The following SCLT1 variants were observed in gnomAD, a reference collection of about 807,000 sequenced individuals.
SCLT1 encodes the protein sodium channel and clathrin linker 1.
A neutral mutation model predicts 112.8 loss-of-function variants in SCLT1; 78 were observed. That is an observed-to-expected ratio of 0.69 (90% CI 0.58 to 0.83). SCLT1 has a LOEUF of 0.83. Ranked by LOEUF, SCLT1 falls within the 40% of genes least tolerant of loss-of-function variation. SCLT1 has a pLI of 0.00. For synonymous variants in SCLT1, 257 were observed against 254.7 expected, an observed-to-expected ratio of 1.01 and a Z score of -0.09; for missense variants, 747 against 770.4, an observed-to-expected ratio of 0.97 and a Z score of 0.36.
intron 9 of SCLT1, among the ~76,000 whole-genome samples, chr4:128,975,779 A>G (rs1172172681): frequency 6.6e-6 from 1 of 152,228 alleles, no homozygotes; most frequent in South Asian, 2.1e-4. Context: ...AATTTTAGAC[A>G]AAGTTCTAAA....
At chr4:129,044,128 C>A in intron 2 of SCLT1, 77 bp from the exon 3 acceptor site, 2 of 699,298 alleles carry the variant, frequency 2.9e-6, no homozygotes, top group Non-Finnish European at 2.5e-6. Context: ...ATATTAAATG[C>A]AATTAAATTT....
At chr4:129,058,714 A>G (rs1749679450) in intron 2 of SCLT1, among the ~76,000 whole-genome samples, 1 of 152,194 alleles carries the variant, frequency 6.6e-6, no homozygotes, top group African/African-American at 2.4e-5. Context: ...ATATAAATGT[A>G]TGTGAGATCC....
chr4:129,039,885 AGAGT>A (rs1747519024), intron 4 of SCLT1: 1 of 260,120 alleles, frequency 3.8e-6, no homozygotes, highest in East Asian at 5.6e-5. Context: ...GAGCAAATGG[AGAGT>A]GTGCGCGCGC....
chr4:128,958,212 C>T (rs1469276429), intron 12 of SCLT1, among the ~76,000 whole-genome samples: 4 of 152,170 alleles, frequency 2.6e-5, no homozygotes, highest in Non-Finnish European at 4.4e-5. Context: ...ATTTTTACCT[C>T]TGTTTTTGTA....
In SCLT1 at chr4:129,003,755, G is replaced by T. The variant is rs757334247; in HGVS notation, c.412C>A (p.Gln138Lys). Residue 138 changes from glutamine (Q) to lysine (K), a missense_variant, in exon 6 of 21, where the codon CAG (glutamine) becomes AAG (lysine). Coordinates refer to ENST00000281142, the MANE Select transcript of SCLT1 (RefSeq NM_144643.4). ...ATGTCACTCACTTGATTGGCTAGCT[G>T]CAATTGTTCTTGAAGGTTTCTGACT... Reference protein sequence around the residue: ...ETVRNLQEQLQLANQEKTQAV... With the variant: ...ETVRNLQEQLKLANQEKTQAV... 5 of 1,605,010 alleles carry T rather than the reference G, an allele frequency of 3.1e-6. No individual in the cohort carries two copies. Among genetic ancestry groups the T allele is most frequent in the Non-Finnish European group, 4.3e-6 (5 of 1,176,248 alleles).
At chr4:129,024,605 A>T (rs999949372) in intron 5 of SCLT1, among the ~76,000 whole-genome samples, 3 of 152,236 alleles carry the variant, frequency 2.0e-5, no homozygotes, top group Non-Finnish European at 4.4e-5. Context: ...GGGAAAAAAC[A>T]GAGCAGAACA....
At chr4:128,948,629 G>A in intron 14 of SCLT1, 59 bp from the exon 15 acceptor site, 3 of 1,224,596 alleles carry the variant, frequency 2.4e-6, no homozygotes, top group South Asian at 1.3e-5. Context: ...AGAAAAGTGG[G>A]GAAAAATTAT....
At chr4:128,996,047 G>T (rs1205944457) in intron 8 of SCLT1, among the ~76,000 whole-genome samples, 1 of 151,970 alleles carries the variant, frequency 6.6e-6, no homozygotes, top group Non-Finnish European at 1.5e-5. Flanking sequence ...AAAATTTGGG[G>T]TGATGAATGC....
At chr4:129,070,486 G>A (rs1750906598) in intron 2 of SCLT1, among the ~76,000 whole-genome samples, 3 of 151,910 alleles carry the variant, frequency 2.0e-5, no homozygotes, top group Non-Finnish European at 2.9e-5. Flanking sequence ...TTTAATCTAG[G>A]AGGGTTGTAT....
intron 19 of SCLT1, among the ~76,000 whole-genome samples, chr4:128,889,234 C>A (rs1307735195): frequency 6.6e-6 from 1 of 152,144 alleles, no homozygotes; most frequent in African/African-American, 2.4e-5. Flanking sequence ...TGTCCTAACC[C>A]CCAGTATCTG....
chr4:128,937,025 T>C (rs1417483096), intron 17 of SCLT1, among the ~76,000 whole-genome samples, 174 bp from the exon 18 acceptor site: 2 of 152,166 alleles, frequency 1.3e-5, no homozygotes, highest in African/African-American at 2.4e-5. Flanking sequence ...ATGCCTGTAA[T>C]CCCAGCACTT....
intron 9 of SCLT1, among the ~76,000 whole-genome samples, chr4:128,977,486 C>T (rs1741280311): frequency 6.6e-6 from 1 of 152,098 alleles, no homozygotes; most frequent in Admixed American, 6.5e-5. Context: ...AGACAGGCAA[C>T]AAGTATTTCA....
In SCLT1 at chr4:128,927,586, A is replaced by C. The variant is rs370872839; in HGVS notation, c.1829+9069T>G. On this transcript the variant is annotated intron_variant, in intron 18 of 20. Coordinates refer to ENST00000281142, the MANE Select transcript of SCLT1 (RefSeq NM_144643.4). ...TGAGACCCTGTCTCAGAAAAAAAAA[A>C]AGGAAAATAATTTGAACTAAATAAT... 1.4e-4 allele frequency among the ~76,000 whole-genome samples: 22 copies of C among 152,154 alleles called. No homozygotes were observed. In the East Asian group the frequency reaches 3.9e-3, roughly 27 times the overall value.
At chr4:128,889,394 G>A (rs1375693933) in intron 19 of SCLT1, among the ~76,000 whole-genome samples, 1 of 152,156 alleles carries the variant, frequency 6.6e-6, no homozygotes, top group Non-Finnish European at 1.5e-5. Context: ...AAGACAAGTT[G>A]AAGACACAGA....
At chr4:128,923,170 ATGCGGT>A (rs1304130190) in intron 18 of SCLT1, among the ~76,000 whole-genome samples, 1 of 152,128 alleles carries the variant, frequency 6.6e-6, no homozygotes, top group Non-Finnish European at 1.5e-5. Context: ...AATAAGCCAC[ATGCGGT>A]GGCTCATGTC....
chr4:128,992,610 C>T (rs1284027459), intron 8 of SCLT1, among the ~76,000 whole-genome samples: 1 of 152,002 alleles, frequency 6.6e-6, no homozygotes, highest in African/African-American at 2.4e-5. Context: ...TCCCTTCTTG[C>T]ATGGGTGAAA....
intron 18 of SCLT1, among the ~76,000 whole-genome samples, chr4:128,899,357 A>C (rs903011345): frequency 6.6e-6 from 1 of 152,234 alleles, no homozygotes; most frequent in African/African-American, 2.4e-5. Flanking sequence ...CTGGGATGCC[A>C]GGCTGGTTCA....
At chr4:128,903,869 G>C (rs1338514907) in intron 18 of SCLT1, among the ~76,000 whole-genome samples, 1 of 152,136 alleles carries the variant, frequency 6.6e-6, no homozygotes, top group East Asian at 1.9e-4. Flanking sequence ...CCCTTCATTA[G>C]AGAAAATAAT....
chr4:129,006,733 A>T (rs994244248), intron 5 of SCLT1, among the ~76,000 whole-genome samples: 1 of 152,056 alleles, frequency 6.6e-6, no homozygotes, highest in South Asian at 2.1e-4. Context: ...TAGATGTCCA[A>T]TCTTGCGTTT....
Sources: allele counts gnomAD v4.1 joint callset (sites outside exome capture counted in the v4.1 genomes callset), GRCh38; gene constraint gnomAD v4.1.1; transcripts MANE v1.5; gene names NCBI Gene and HGNC (gene_info 2026-07-23, HGNC 2026-07-21).